The following PPP1R42 variants were observed in gnomAD, a reference collection of about 807,000 sequenced individuals.
PPP1R42 encodes the protein leucine rich repeat containing 67.
Under a neutral mutation model 31.0 loss-of-function variants are expected in PPP1R42, and 34 were observed. That is an observed-to-expected ratio of 1.10 (90% confidence interval 0.83 to 1.46). The LOEUF is 1.46. PPP1R42 is among the 40% of genes most tolerant of loss of function. The pLI is 0.00. For missense variants in PPP1R42, 268 were observed against 303.0 expected (o/e 0.88, Z 0.86); for synonymous variants, 103 against 109.8 (o/e 0.94, Z 0.39).
At chr8:66,966,757 C>G (rs1032608672) in intron 7 of PPP1R42, among the ~76,000 whole-genome samples, 1 of 151,870 alleles carries the variant, frequency 6.6e-6, no homozygotes, top group African/African-American at 2.4e-5. Context: ...TGCACTCCAG[C>G]CTGGGTGACA....
chr8:66,987,076 TAATA>T (rs1442646076), intron 6 of PPP1R42, among the ~76,000 whole-genome samples: 2 of 152,082 alleles, frequency 1.3e-5, no homozygotes, highest in Admixed American at 6.5e-5. Context: ...CTATTTTTAT[TAATA>T]ATTATATAGC....
At chr8:66,979,121 C>A (rs1286715847) in intron 7 of PPP1R42, among the ~76,000 whole-genome samples, 1 of 152,138 alleles carries the variant, frequency 6.6e-6, no homozygotes, top group Non-Finnish European at 1.5e-5. Flanking sequence ...ATTATAAAAT[C>A]TTTTCCCAGA....
chr8:66,985,113 G>A, intron 6 of PPP1R42: 1 of 1,219,204 alleles, frequency 8.2e-7, no homozygotes, highest in Non-Finnish European at 1.2e-6. Context: ...GAGCAATAAG[G>A]GCAAGCCTAG....
intron 5 of PPP1R42, among the ~76,000 whole-genome samples, chr8:67,003,181 A>G (rs971635273): frequency 8.0e-5 from 12 of 150,846 alleles, no homozygotes; most frequent in Admixed American, 2.0e-4. Context: ...AAAAAAAAAA[A>G]AAAAAGAAAA....
At chr8:66,988,143 C>T (rs777523298) in intron 6 of PPP1R42, 1 of 1,084,884 alleles carries the variant, frequency 9.2e-7, no homozygotes. Flanking sequence ...TATGACTAAC[C>T]ATTTTTATTG....
At chr8:67,017,949 A>G (rs1585684264) in intron 1 of PPP1R42, 118 bp from the exon 2 acceptor site, 1 of 431,012 alleles carries the variant, frequency 2.3e-6, no homozygotes, top group South Asian at 8.4e-5. Context: ...TAGTTTATAG[A>G]CATTTTTAGG....
intron 7 of PPP1R42, among the ~76,000 whole-genome samples, chr8:66,981,131 C>T (rs1474855053): frequency 1.3e-5 from 2 of 151,994 alleles, no homozygotes; most frequent in East Asian, 1.9e-4. Context: ...CATGAGCCAC[C>T]GTGCCCCGCC....
chr8:66,981,945 C>A (rs768544448), intron 7 of PPP1R42, 104 bp downstream of exon 7: 134 of 1,196,354 alleles, frequency 1.1e-4, no homozygotes, highest in Non-Finnish European at 1.3e-4. Flanking sequence ...ACAACAACAA[C>A]AAAAAACTAA....
At chr8:66,991,725 C>CTTCCAT (rs1313405328) in intron 5 of PPP1R42, among the ~76,000 whole-genome samples, 5 of 152,288 alleles carry the variant, frequency 3.3e-5, no homozygotes, top group East Asian at 3.9e-4. Context: ...TCTTCTCTCC[C>CTTCCAT]TTCCATTTCC....
At chr8:67,022,407 T>C (rs1816249826) in intron 1 of PPP1R42, among the ~76,000 whole-genome samples, 1 of 152,234 alleles carries the variant, frequency 6.6e-6, no homozygotes, top group Non-Finnish European at 1.5e-5. Flanking sequence ...TAGATACTAA[T>C]ATTTCATTGA....
intron 1 of PPP1R42, among the ~76,000 whole-genome samples, chr8:67,020,792 T>C (rs190449935): frequency 8.2e-4 from 125 of 152,324 alleles, no homozygotes; most frequent in Middle Eastern, 6.8e-3. Flanking sequence ...GACTGTTAAA[T>C]ATGGGAAACA....
chr8:66,998,121 T>C (rs961030300), intron 5 of PPP1R42, among the ~76,000 whole-genome samples: 1 of 152,024 alleles, frequency 6.6e-6, no homozygotes, highest in African/African-American at 2.4e-5. Flanking sequence ...AATAAAAAAA[T>C]CAAAACCAGA....
At chr8:67,025,963 C>T (rs1025648584) in intron 1 of PPP1R42, among the ~76,000 whole-genome samples, 1 of 149,984 alleles carries the variant, frequency 6.7e-6, no homozygotes, top group Non-Finnish European at 1.5e-5. Context: ...CCAGATCGCA[C>T]CACTACGCTC....
At chr8:67,012,313 GA>G (rs760897116) in intron 4 of PPP1R42, among the ~76,000 whole-genome samples, 8 of 152,176 alleles carry the variant, frequency 5.3e-5, no homozygotes, top group Non-Finnish European at 1.0e-4. Flanking sequence ...TCCTGCCCCA[GA>G]ATTAAAGTTA....
intron 5 of PPP1R42, among the ~76,000 whole-genome samples, chr8:67,006,505 C>G (rs1815681725): frequency 6.6e-6 from 1 of 152,258 alleles, no homozygotes; most frequent in Admixed American, 6.5e-5. Flanking sequence ...CAGGCACATG[C>G]CATCACACGA....
chr8:66,982,242 T>G, intron 6 of PPP1R42, 62 bp from the exon 7 acceptor site: 1 of 814,312 alleles, frequency 1.2e-6, no homozygotes, highest in Non-Finnish European at 1.7e-6. Context: ...AGTCAAAATA[T>G]GCACTTCTGG....
chr8:66,984,733 G>C (rs1398381559), intron 6 of PPP1R42: 2 of 1,607,626 alleles, frequency 1.2e-6, no homozygotes, highest in East Asian at 2.2e-5. Context: ...TGTGACATGG[G>C]CTTCTACCTT....
intron 6 of PPP1R42, chr8:66,984,745 G>T: frequency 6.2e-7 from 1 of 1,608,334 alleles, no homozygotes; most frequent in Admixed American, 1.7e-5. Flanking sequence ...TTCTACCTTC[G>T]TGGGGTCTTG....
chr8:66,974,806 A>AT, intron 7 of PPP1R42, among the ~76,000 whole-genome samples: 1 of 152,098 alleles, frequency 6.6e-6, no homozygotes, highest in Non-Finnish European at 1.5e-5. Flanking sequence ...ATATGCATGG[A>AT]TTTTTTTCCT....
Sources: gnomAD v4.1 joint callset for allele counts (sites outside exome capture counted in the v4.1 genomes callset) on GRCh38, gnomAD v4.1.1 for gene constraint, MANE v1.5 for transcripts, NCBI Gene and HGNC (gene_info 2026-07-23, HGNC 2026-07-21) for gene names.